Variants in TNFAIP6 observed in about 807,000 individuals in gnomAD.
The protein encoded by TNFAIP6 is tumor necrosis factor-inducible gene 6 protein.
In TNFAIP6, 36 loss-of-function variants were observed where a neutral mutation model predicts 33.7. The ratio of observed to expected loss-of-function variants is 1.07; its 90% CI spans 0.82 to 1.41. The LOEUF (loss-of-function observed/expected upper bound fraction) is 1.41. TNFAIP6 is among the 40% of genes most tolerant of loss of function. TNFAIP6 has a pLI of 0.00. For synonymous variants in TNFAIP6, 113 were observed against 112.8 expected, an observed-to-expected ratio of 1.00 and a Z score of -0.01; for missense variants, 273 against 331.9, an observed-to-expected ratio of 0.82 and a Z score of 1.38.
intron 1 of TNFAIP6, among the ~76,000 whole-genome samples, chr2:151,361,267 G>T (rs1305216778): frequency 2.0e-5 from 3 of 151,934 alleles, no homozygotes; most frequent in African/African-American, 7.3e-5. Flanking sequence ...ATAGAGATGG[G>T]GTTTCACCAT....
chr2:151,366,826 A>G (rs778284221), intron 3 of TNFAIP6, among the ~76,000 whole-genome samples: 2 of 152,156 alleles, frequency 1.3e-5, no homozygotes, highest in African/African-American at 2.4e-5. Context: ...TCATTATACC[A>G]TATATTTTTA....
At chr2:151,375,515 T>C (rs1684891164) in intron 5 of TNFAIP6, among the ~76,000 whole-genome samples, 1 of 152,082 alleles carries the variant, frequency 6.6e-6, no homozygotes, top group South Asian at 2.1e-4. Flanking sequence ...GAGACCATCC[T>C]GGCTAACACG....
At position 151,368,261 on chromosome 2, in the gene TNFAIP6, T is replaced by G. The variant is rs536788071; in HGVS notation, c.395-1759T>G. On this transcript the variant is annotated intron_variant, in intron 3 of 5. Coordinates refer to ENST00000243347, the MANE Select transcript of TNFAIP6 (RefSeq NM_007115.4). ...GATAATGGGAAAGGTATGGCTACAT[T>G]TATTTTACCAATGAAGAAAATGAAG... 2.7e-3 allele frequency: 417 copies of G among 153,734 alleles called. 1 individual carries two copies. The highest frequency in any genetic ancestry group is 9.5e-3 in the African/African-American group (396 of 41,530). The allele number at this position is 153,734 out of a possible 1,614,324, so 9.5% of individuals were successfully genotyped here.
Position 151,370,259 on chromosome 2 carries a change from G to A in TNFAIP6, c.623+11G>A. ...TGGCTTTGTGGGAAGGTACGTATGG[G>A]TCCCCATACAGGAAGTTAAATGAAC... On this transcript the variant is annotated intron_variant, in intron 4 of 5. Transcript: ENST00000243347. The A allele has an allele frequency of 1.3e-6, 2 of 1,592,424 alleles. No homozygotes were observed. The highest frequency in any genetic ancestry group is 1.7e-6 in the Non-Finnish European group (2 of 1,161,288).
chr2:151,360,829 A>G (rs1345336778), intron 1 of TNFAIP6, among the ~76,000 whole-genome samples: 1 of 152,156 alleles, frequency 6.6e-6, no homozygotes, highest in Admixed American at 6.6e-5. Context: ...TTCAGTAGGT[A>G]CCAAAAGTTT....
intron 1 of TNFAIP6, among the ~76,000 whole-genome samples, chr2:151,362,098 G>T (rs1573778327): frequency 6.6e-6 from 1 of 152,132 alleles, no homozygotes; most frequent in Non-Finnish European, 1.5e-5. Flanking sequence ...GATTGCACAG[G>T]TCAGAATACA....
intron 3 of TNFAIP6, among the ~76,000 whole-genome samples, chr2:151,369,217 G>A (rs376108022): frequency 1.1e-4 from 17 of 152,020 alleles, no homozygotes; most frequent in African/African-American, 2.7e-4. Flanking sequence ...AAAAATAGGC[G>A]TGTGCACAAA....
chr2:151,375,375 A>G (rs1360676928), intron 5 of TNFAIP6, among the ~76,000 whole-genome samples: 3 of 152,182 alleles, frequency 2.0e-5, no homozygotes, highest in Non-Finnish European at 4.4e-5. Context: ...GATACAAAGT[A>G]ATAGAAAAAG....
At chr2:151,374,227 A>T (rs1477396524) in intron 5 of TNFAIP6, among the ~76,000 whole-genome samples, 1 of 152,152 alleles carries the variant, frequency 6.6e-6, no homozygotes, top group Non-Finnish European at 1.5e-5. Context: ...CTTTCCAAAT[A>T]TTGCCCACCC....
Position 151,370,225 on chromosome 2 carries a change from T to C in TNFAIP6, c.600T>C (p.Asp200=). The C allele has an allele frequency of 2.5e-6, 4 of 1,614,044 alleles. No homozygotes were observed. The African/African-American group carries it at 4.0e-5, about 16-fold the overall frequency. The change falls in exon 4 of 6, where the codon GAT becomes GAC. Residue 200 remains aspartate (D), a synonymous_variant. Transcript: ENST00000243347. The stretch of plus-strand genomic sequence containing the variant: ...ATGTTGAAATATATGACAGTTACGA[T>C]GATGTCCATGGCTTTGTGGGAAGGT... ...ADYVEIYDSY[D]DVHGFVGRYC...
intron 3 of TNFAIP6, among the ~76,000 whole-genome samples, chr2:151,368,802 C>T (rs1024594273): frequency 2.6e-5 from 4 of 152,084 alleles, no homozygotes; most frequent in Non-Finnish European, 5.9e-5. Context: ...ATTCTAAGTG[C>T]TTGTGGCCCT....
intron 5 of TNFAIP6, among the ~76,000 whole-genome samples, chr2:151,379,103 C>A (rs1684971572): frequency 6.6e-6 from 1 of 151,344 alleles, no homozygotes; most frequent in Non-Finnish European, 1.5e-5. Context: ...GACTCCATCT[C>A]AAAAATAAAT....
chr2:151,369,822 A>G (rs1389977743), intron 3 of TNFAIP6, among the ~76,000 whole-genome samples, 198 bp from the exon 4 acceptor site: 1 of 152,202 alleles, frequency 6.6e-6, no homozygotes, highest in Non-Finnish European at 1.5e-5. Context: ...TGTTCATTTT[A>G]GAGAATTTAG....
chr2:151,373,661 G>A, intron 5 of TNFAIP6, 72 bp downstream of exon 5: 1 of 762,346 alleles, frequency 1.3e-6, no homozygotes, highest in Non-Finnish European at 2.0e-6. Flanking sequence ...AAGGGACACT[G>A]TTAAATAGTA....
At chr2:151,375,636 A>T (rs1684894356) in intron 5 of TNFAIP6, among the ~76,000 whole-genome samples, 1 of 151,976 alleles carries the variant, frequency 6.6e-6, no homozygotes, top group Non-Finnish European at 1.5e-5. Flanking sequence ...TGAACCTGGG[A>T]GGCAGAGGTT....
intron 4 of TNFAIP6, among the ~76,000 whole-genome samples, chr2:151,370,897 C>T (rs1480091351): frequency 6.6e-6 from 1 of 152,086 alleles, no homozygotes; most frequent in Non-Finnish European, 1.5e-5. Context: ...ATGGCAAAAC[C>T]CTGTTTTTAC....
intron 5 of TNFAIP6, among the ~76,000 whole-genome samples, chr2:151,375,417 A>G (rs1573786214): frequency 6.6e-6 from 1 of 152,194 alleles, no homozygotes; most frequent in East Asian, 1.9e-4. Context: ...ATAAAATCCT[A>G]TCAAGCATAG....
rs975973696 is a variant in TNFAIP6 at position 151,379,668 on chromosome 2, T to C, written c.*135T>C. 4.4e-6 allele frequency: 3 copies of C among 677,072 alleles called. No individual in the cohort carries two copies. The highest frequency in any genetic ancestry group is 1.9e-5 in the African/African-American group (1 of 52,998). The allele number at this position is 677,072 out of a possible 1,614,324, so 41.9% of individuals were successfully genotyped here. On this transcript the variant is annotated 3_prime_UTR_variant, in exon 6 of 6. Coordinates refer to ENST00000243347, the MANE Select transcript of TNFAIP6 (RefSeq NM_007115.4). ...AAAGCAATACATAATTTAGGGAAAA[T>C]TGGAAAATATAGGAAACTTTAAACG... is the stretch of plus-strand genomic sequence containing the variant.
intron 5 of TNFAIP6, among the ~76,000 whole-genome samples, chr2:151,379,063 G>A (rs1684971153): frequency 6.6e-6 from 1 of 152,112 alleles, no homozygotes; most frequent in African/African-American, 2.4e-5. Context: ...TCGCGCCACA[G>A]CACTCCAGCC....
Sources: allele counts gnomAD v4.1 joint callset (sites outside exome capture counted in the v4.1 genomes callset), GRCh38; gene constraint gnomAD v4.1.1; transcripts MANE v1.5; gene names NCBI Gene and HGNC (gene_info 2026-07-23, HGNC 2026-07-21).